Variants in SAGE1 observed in about 807,000 individuals in gnomAD.
The protein encoded by SAGE1 is sarcoma antigen 1, also known as cancer/testis antigen 14.
Under a neutral mutation model 55.4 loss-of-function variants are expected in SAGE1, and 55 were observed. The ratio of observed to expected loss-of-function variants is 0.99; its 90% CI spans 0.80 to 1.24. The LOEUF is 1.24. Among genes scored for constraint, SAGE1 ranks in the 50% most tolerant of loss-of-function variants. The pLI is 0.00. For synonymous variants in SAGE1, 240 were observed against 244.3 expected, an observed-to-expected ratio of 0.98 and a Z score of 0.17; for missense variants, 710 against 704.4, an observed-to-expected ratio of 1.01 and a Z score of -0.09.
chrX:135,911,855 C>A lies in SAGE1; in HGVS notation c.2423C>A (p.Thr808Asn). ...PPVTVMSLVE[T>N]VPNTPQISPA... ...GTTACAGTAATGTCTTTGGTGGAAA[C>A]TGTGCCAAATACACCACAAATATCT... The change falls in exon 18 of 20, where the codon ACT becomes AAT. Residue 808 changes from threonine to asparagine, a missense_variant. By Grantham distance (65) the Thr-to-Asn change is moderately conservative. Coordinates refer to ENST00000370709, the MANE Select transcript of SAGE1 (RefSeq NM_001381902.1). 1 of 1,211,025 alleles carries A rather than the reference C, an allele frequency of 8.3e-7. No homozygotes were observed. The highest frequency in any genetic ancestry group is 1.1e-6 in the Non-Finnish European group (1 of 894,690).
intron 3 of SAGE1, 67 bp from the exon 4 acceptor site, chrX:135,904,410 G>T (rs1886870986): frequency 4.7e-6 from 3 of 640,366 alleles, no homozygotes; most frequent in African/African-American, 2.2e-5. Flanking sequence ...GAGCATCAGT[G>T]GGGCATGCCT....
At chrX:135,906,650 G>T in intron 7 of SAGE1, 99 bp downstream of exon 7, 7 of 1,049,359 alleles carry the variant, frequency 6.7e-6, no homozygotes, top group Non-Finnish European at 6.4e-6. Context: ...GTCGTTCCTG[G>T]TATTTCACCC....
rs1569521708 is a variant in SAGE1 at position 135,910,549 on chromosome X, G to A, written c.1999G>A (p.Asp667Asn). The A allele has an allele frequency of 1.7e-6, 2 of 1,210,192 alleles. No individual in the cohort carries two copies. Among genetic ancestry groups the A allele is most frequent in the Non-Finnish European group, 1.1e-6 (1 of 894,178 alleles). The change falls in exon 16 of 20, where the codon GAT becomes AAT. Residue 667 changes from aspartate (D) to asparagine (N), a missense_variant. Transcript: ENST00000370709. The stretch of plus-strand genomic sequence containing the variant: ...TGGAATTTCATCCACGATTACCAGG[G>A]ATCTGTGTATGTCTGCTTATTAGTT... ...AAGISSTITR[D>N]LYVTATHSVH...
chrX:135,906,813 A>T, intron 7 of SAGE1, 113 bp from the exon 8 acceptor site: 1 of 989,558 alleles, frequency 1.0e-6, no homozygotes, highest in Non-Finnish European at 1.4e-6. Context: ...GCAACCTGGT[A>T]TATCCTCCTG....
chrX:135,904,566 C>A lies in SAGE1; in HGVS notation c.310C>A (p.Pro104Thr). 8.6e-7 allele frequency: 1 copy of A among 1,160,264 alleles called. No homozygotes were observed. The highest frequency in any genetic ancestry group is 1.2e-6 in the Non-Finnish European group (1 of 852,304). ...TGTCTTGTCAACTGCTCCACCATGGCCTGGTAATATGGCAGCAGCAGGAAT... is the reference window on the plus strand; with the variant it reads ...TGTCTTGTCAACTGCTCCACCATGGACTGGTAATATGGCAGCAGCAGGAAT... The part of the protein sequence containing the change: ...DNVLSTAPPW[P>T]DATIAHNIRE... The change falls in exon 4 of 20, where the codon CCT (proline) becomes ACT (threonine). Residue 104 changes from proline (P) to threonine (T), a missense_variant. By Grantham distance (38) the Pro-to-Thr change is conservative. Transcript: ENST00000370709.
At chrX:135,897,215 G>A (rs1389910865) in intron 2 of SAGE1, among the ~76,000 whole-genome samples, 4 of 112,153 alleles carry the variant, frequency 3.6e-5, no homozygotes, top group African/African-American at 1.3e-4. Flanking sequence ...ATCTTAATGT[G>A]AGTTTTGTGT....
rs782280381 is a variant in SAGE1, at chrX:135,907,079, G to A, written c.877+13G>A. On this transcript the variant is annotated intron_variant, in intron 8 of 19. Coordinates refer to ENST00000370709, the MANE Select transcript of SAGE1 (RefSeq NM_001381902.1). Reference sequence around the variant, plus strand: ...ACCAATGGCCTGTGTATGTTTGCTTGTTAATTGGATTATCCTGCTTGGTTT... The same window carrying A: ...ACCAATGGCCTGTGTATGTTTGCTTATTAATTGGATTATCCTGCTTGGTTT... The A allele has an allele frequency of 4.2e-6, 5 of 1,199,353 alleles. No individual in the cohort carries two copies. Among genetic ancestry groups the A allele is most frequent in the African/African-American group, 1.8e-5 (1 of 56,971 alleles).
At chrX:135,911,132 C>T in intron 16 of SAGE1, 60 bp from the exon 17 acceptor site, 3 of 1,143,119 alleles carry the variant, frequency 2.6e-6, no homozygotes. Context: ...AGCAGGATAT[C>T]CCTGTGGGGT....
At chrX:135,902,019 T>C in intron 3 of SAGE1, among the ~76,000 whole-genome samples, 1 of 112,228 alleles carries the variant, frequency 8.9e-6, no homozygotes, top group Non-Finnish European at 1.9e-5. Flanking sequence ...TTGGCGTTAA[T>C]GTCTCAGCAG....
At chrX:135,904,758 C>T (rs1390986204) in intron 4 of SAGE1, among the ~76,000 whole-genome samples, 189 bp downstream of exon 4, 1 of 110,902 alleles carries the variant, frequency 9.0e-6, no homozygotes, top group Non-Finnish European at 1.9e-5. Flanking sequence ...CATATCCTCC[C>T]CTGCTTTTTT....
intron 2 of SAGE1, among the ~76,000 whole-genome samples, chrX:135,898,271 G>A (rs1388054602): frequency 1.8e-5 from 2 of 111,546 alleles, no homozygotes; most frequent in African/African-American, 6.5e-5. Context: ...CGCCCGCCTT[G>A]GCCTCCCAAA....
At chrX:135,912,573 C>A (rs1257623397) in intron 19 of SAGE1, 159 bp downstream of exon 19, 2 of 751,953 alleles carry the variant, frequency 2.7e-6, no homozygotes, top group Non-Finnish European at 3.1e-6. Context: ...CTTATTCTAA[C>A]ACTTTCTTCC....
rs1556593751 is a variant in SAGE1, at chrX:135,896,314, T to C, written c.72T>C (p.Phe24=). 1.7e-6 allele frequency: 2 copies of C among 1,192,593 alleles called. No individual in the cohort carries two copies. The highest frequency in any genetic ancestry group is 3.6e-5 in the South Asian group (2 of 56,227). Residue 24 remains phenylalanine, a synonymous_variant, in exon 2 of 20, where the codon TTT becomes TTC. Transcript: ENST00000370709. ...PEELHAAAYV[F]TNDGQQMRSD... ...AACTTCATGCTGCTGCCTATGTGTT[T>C]ACAAATGATGGGCAGGTAAGATAAC...
At position 135,906,501 on chromosome X, in the gene SAGE1, G is replaced by A. The variant is rs781926163; in HGVS notation, c.686G>A (p.Arg229His). The A allele has an allele frequency of 1.9e-5, 23 of 1,208,952 alleles. No individual in the cohort carries two copies. Among genetic ancestry groups the A allele is most frequent in the Admixed American group, 4.4e-5 (2 of 45,737 alleles). The stretch of plus-strand genomic sequence containing the variant: ...GTGTTGTTGACTCTTCGACCACGGC[G>A]TATTAATATGACAGACACTGGTATT... ...DNVLLTLRPR[R>H]INMTDTGISP... The change falls in exon 7 of 20, where the codon CGT becomes CAT. Residue 229 changes from arginine to histidine, a missense_variant. Transcript: ENST00000370709.
chrX:135,908,934 A>G lies in SAGE1; in HGVS notation c.1512A>G (p.Ile504Met). The G allele has an allele frequency of 1.7e-6, 2 of 1,209,247 alleles. No individual in the cohort carries two copies. The highest frequency in any genetic ancestry group is 1.1e-6 in the Non-Finnish European group (1 of 893,371). Reference sequence around the variant, plus strand: ...GCAAACCCCAAACTGATAAGGTCATATCAAATGATGCACCACAGCTTGGTC... The same window carrying G: ...GCAAACCCCAAACTGATAAGGTCATGTCAAATGATGCACCACAGCTTGGTC... ...ESGKPQTDKVISNDAPQLGHM... is the reference protein window; with the variant it reads ...ESGKPQTDKVMSNDAPQLGHM... Residue 504 changes from isoleucine to methionine, a missense_variant, in exon 13 of 20, where the codon ATA becomes ATG. Transcript: ENST00000370709.
At chrX:135,908,438 C>A (rs782172280) in intron 11 of SAGE1, 39 bp from the exon 12 acceptor site, 33 of 1,173,976 alleles carry the variant, frequency 2.8e-5, no homozygotes, top group Non-Finnish European at 3.3e-5. Flanking sequence ...TGGCATAATG[C>A]ACTTAACTCA....
At position 135,906,987 on chromosome X, in the gene SAGE1, TA is replaced by T; in HGVS notation, c.800del (p.Asn267ThrfsTer56). The part of the protein sequence containing the change: ...KMEKGQPQPD[N>X]ILSTASTGLI... The stretch of plus-strand genomic sequence containing the variant: ...TGGAAAAGGGCCAACCCCAACCTGA[TA>T]ACATCTTGTCAACTGCTTCAACAGG... On this transcript the variant is annotated frameshift_variant, in exon 8 of 20. Transcript: ENST00000370709. LOFTEE classifies it high-confidence loss of function. 2.5e-6 allele frequency: 3 copies of T among 1,210,405 alleles called. No homozygotes were observed. The highest frequency in any genetic ancestry group is 3.4e-6 in the Non-Finnish European group (3 of 894,216).
At chrX:135,907,096 G>C in intron 8 of SAGE1, 30 bp downstream of exon 8, 5 of 1,188,207 alleles carry the variant, frequency 4.2e-6, no homozygotes, top group Non-Finnish European at 5.7e-6. Context: ...GGATTATCCT[G>C]CTTGGTTTCC....
At position 135,906,511 on chromosome X, in the gene SAGE1, G is replaced by A; in HGVS notation, c.696G>A (p.Met232Ile). 1.7e-6 allele frequency: 2 copies of A among 1,210,592 alleles called. No individual in the cohort carries two copies. The highest frequency in any genetic ancestry group is 2.2e-6 in the Non-Finnish European group (2 of 894,538). The change falls in exon 7 of 20, where the codon ATG (methionine) becomes ATA (isoleucine). Residue 232 changes from methionine (M) to isoleucine (I), a missense_variant. Physicochemically the swap from Met to Ile is conservative, Grantham distance 10. Coordinates refer to ENST00000370709, the MANE Select transcript of SAGE1 (RefSeq NM_001381902.1). ...LLTLRPRRIN[M>I]TDTGISPMST... Reference sequence around the variant, plus strand: ...CTCTTCGACCACGGCGTATTAATATGACAGACACTGGTATTTCACCCATGA... The same window carrying A: ...CTCTTCGACCACGGCGTATTAATATAACAGACACTGGTATTTCACCCATGA...
Sources: gnomAD v4.1 joint callset for allele counts (sites outside exome capture counted in the v4.1 genomes callset) on GRCh38, gnomAD v4.1.1 for gene constraint, MANE v1.5 for transcripts, NCBI Gene and HGNC (gene_info 2026-07-23, HGNC 2026-07-21) for gene names.